HNRNPLL: variants seen among roughly 807,000 people sequenced by gnomAD.
HNRNPLL encodes the protein heterogeneous nuclear ribonucleoprotein L-like.
In HNRNPLL, 25 loss-of-function variants were observed where a neutral mutation model predicts 67.1. That is an observed-to-expected ratio of 0.37 (90% CI 0.27 to 0.52). The LOEUF (loss-of-function observed/expected upper bound fraction) is 0.52. HNRNPLL is among the 20% of genes least tolerant of loss of function. The pLI is 0.90. For missense variants in HNRNPLL, 542 were observed against 673.9 expected, an observed-to-expected ratio of 0.80 and a Z score of 2.17; for synonymous variants, 267 against 241.7, an observed-to-expected ratio of 1.10 and a Z score of -0.97.
chr2:38,591,426 T>C, intron 2 of HNRNPLL, 104 bp downstream of exon 2: 3 of 730,746 alleles, frequency 4.1e-6, no homozygotes, highest in Non-Finnish European at 4.9e-6. Context: ...TTTGTTTATA[T>C]ATACAAACAA....
In HNRNPLL at chr2:38,567,225, C is replaced by T. The variant is rs143647238; in HGVS notation, c.1573+974G>A. On this transcript the variant is annotated intron_variant, in intron 12 of 12. Coordinates refer to ENST00000449105, the MANE Select transcript of HNRNPLL (RefSeq NM_138394.4). Reference sequence around the variant, plus strand: ...TCAAGCAATTCTCCTGCCTCAGCCTCCCAAGTAGCTGAAACTACAAGTGTG... The same window carrying T: ...TCAAGCAATTCTCCTGCCTCAGCCTTCCAAGTAGCTGAAACTACAAGTGTG... 1.0e-2 allele frequency among the ~76,000 whole-genome samples: 1,520 copies of T among 152,268 alleles called. 25 individuals carry two copies. The highest frequency in any genetic ancestry group is 0.035 in the African/African-American group (1,444 of 41,550).
At chr2:38,601,032 T>C (rs983242678) in intron 1 of HNRNPLL, among the ~76,000 whole-genome samples, 6 of 152,224 alleles carry the variant, frequency 3.9e-5, no homozygotes, top group Non-Finnish European at 8.8e-5. Context: ...ACTGATCGAA[T>C]ACATCGAAAT....
chr2:38,576,415 TAATC>T lies in HNRNPLL; in HGVS notation c.874+1042_874+1045del, dbSNP rs553293121. 6.3e-4 allele frequency among the ~76,000 whole-genome samples: 95 copies of T among 151,806 alleles called. 1 individual carries two copies. The South Asian group carries it at 0.02, about 31-fold the overall frequency. On this transcript the variant is annotated intron_variant, in intron 7 of 12. Transcript: ENST00000449105. Reference sequence around the variant, plus strand: ...CTGTTACAGGAATAACTAAGAAAAATAATCAAGGTACACATTCACTAAACCAGCT... The same window carrying T: ...CTGTTACAGGAATAACTAAGAAAAATAAGGTACACATTCACTAAACCAGCT...
intron 3 of HNRNPLL, among the ~76,000 whole-genome samples, chr2:38,585,016 C>T (rs992094880): frequency 1.3e-5 from 2 of 152,060 alleles, no homozygotes; most frequent in Non-Finnish European, 2.9e-5. Flanking sequence ...ATCATATGCC[C>T]AGACTACATA....
intron 4 of HNRNPLL, among the ~76,000 whole-genome samples, chr2:38,583,638 C>T (rs1038671724): frequency 6.6e-6 from 1 of 152,128 alleles, no homozygotes; most frequent in Non-Finnish European, 1.5e-5. Flanking sequence ...AAAGGAAGCA[C>T]TAGATTGCTT....
At chr2:38,590,360 A>G (rs1666908998) in intron 2 of HNRNPLL, among the ~76,000 whole-genome samples, 1 of 152,216 alleles carries the variant, frequency 6.6e-6, no homozygotes, top group African/African-American at 2.4e-5. Context: ...GAATTTTTAT[A>G]AAATTGAAGC....
At chr2:38,602,349 TA>T in intron 1 of HNRNPLL, 88 bp downstream of exon 1, 1 of 1,297,498 alleles carries the variant, frequency 7.7e-7, no homozygotes, top group Non-Finnish European at 1.1e-6. Flanking sequence ...CGGAAAAGGC[TA>T]ACTGAAGCAA....
In HNRNPLL at chr2:38,591,464, G is replaced by GC. The variant is rs1313519367; in HGVS notation, c.308+65_308+66insG. The GC allele has an allele frequency of 2.1e-4, 181 of 875,410 alleles. 1 individual carries two copies. The highest frequency in any genetic ancestry group is 3.1e-4 in the Non-Finnish European group (156 of 510,200). 54.2% of individuals were successfully genotyped at this position (875,410 alleles called of 1,614,324 possible). ...TTTACTATGCTAAACATCAAGGCTT[G>GC]TAACAAGCAAGCAAGGATTATTCTA... is the stretch of plus-strand genomic sequence containing the variant. On this transcript the variant is annotated intron_variant, in intron 2 of 12. Transcript: ENST00000449105.
rs768851888 is a variant in HNRNPLL at position 38,602,421 on chromosome 2, G to C, written c.189+17C>G. ...GAGCAGCCAGGCACAGCGGACAGGGGGGCCGCGCTTTGTTACCGGCTGAGA... is the reference window on the plus strand; with the variant it reads ...GAGCAGCCAGGCACAGCGGACAGGGCGGCCGCGCTTTGTTACCGGCTGAGA... On this transcript the variant is annotated intron_variant, in intron 1 of 12. Transcript: ENST00000449105. 1 of 1,544,086 alleles carries C rather than the reference G, an allele frequency of 6.5e-7. No homozygotes were observed. The highest frequency in any genetic ancestry group is 8.7e-7 in the Non-Finnish European group (1 of 1,152,430).
chr2:38,597,797 T>C (rs1054361219), intron 1 of HNRNPLL, among the ~76,000 whole-genome samples: 13 of 151,928 alleles, frequency 8.6e-5, no homozygotes, highest in Admixed American at 2.6e-4. Context: ...TTAGCAATTC[T>C]CTGCCTCAGC....
chr2:38,602,331 C>G lies in HNRNPLL; in HGVS notation c.189+107G>C, dbSNP rs1667475905. 3 of 1,083,310 alleles carry G rather than the reference C, an allele frequency of 2.8e-6. No individual in the cohort carries two copies. In the African/African-American group the frequency reaches 4.9e-5, roughly 18 times the overall value. 67.1% of individuals were successfully genotyped at this position (1,083,310 alleles called of 1,614,324 possible). A position where few individuals can be genotyped will look rare whatever the true frequency, so the allele number is the denominator to read the frequency against. Reference sequence around the variant, plus strand: ...AGAGTGGGCGCTTCCCCAAACGGGTCGGCGCAGCGGAAAAGGCTAACTGAA... The same window carrying G: ...AGAGTGGGCGCTTCCCCAAACGGGTGGGCGCAGCGGAAAAGGCTAACTGAA... On this transcript the variant is annotated intron_variant, in intron 1 of 12. Coordinates refer to ENST00000449105, the MANE Select transcript of HNRNPLL (RefSeq NM_138394.4).
In HNRNPLL at chr2:38,581,995, T is replaced by C. The variant is rs1244611254; in HGVS notation, c.730-10A>G. 1.9e-6 allele frequency: 3 copies of C among 1,610,046 alleles called. No individual in the cohort carries two copies. Among genetic ancestry groups the C allele is most frequent in the Non-Finnish European group, 8.5e-7 (1 of 1,176,572 alleles). On this transcript the variant is annotated splice_polypyrimidine_tract_variant and intron_variant, in intron 5 of 12. Coordinates refer to ENST00000449105, the MANE Select transcript of HNRNPLL (RefSeq NM_138394.4). Reference sequence around the variant, plus strand: ...CATTTAGACGAGTTGGCTGTTAAGATTGAAAATAATGTAAGTTCAAACTGC... The same window carrying C: ...CATTTAGACGAGTTGGCTGTTAAGACTGAAAATAATGTAAGTTCAAACTGC...
intron 1 of HNRNPLL, among the ~76,000 whole-genome samples, chr2:38,593,505 G>C (rs1477344056): frequency 6.6e-6 from 1 of 152,190 alleles, no homozygotes; most frequent in Non-Finnish European, 1.5e-5. Context: ...ATAAAAGGAC[G>C]ACAGAAAACT....
chr2:38,596,972 TC>T (rs1394329956), intron 1 of HNRNPLL, among the ~76,000 whole-genome samples: 1 of 152,208 alleles, frequency 6.6e-6, no homozygotes, highest in Non-Finnish European at 1.5e-5. Flanking sequence ...TACAGACATT[TC>T]AAATTCTCAG....
At chr2:38,567,605 G>A (rs764599770) in intron 12 of HNRNPLL, among the ~76,000 whole-genome samples, 7 of 152,176 alleles carry the variant, frequency 4.6e-5, no homozygotes, top group Non-Finnish European at 8.8e-5. Context: ...GCTATAGCTT[G>A]AAGGTGATTC....
chr2:38,578,740 C>A (rs1196642532), intron 6 of HNRNPLL, among the ~76,000 whole-genome samples: 1 of 152,006 alleles, frequency 6.6e-6, no homozygotes, highest in African/African-American at 2.4e-5. Context: ...TTCCAGATAG[C>A]CCTAAATTGT....
At chr2:38,592,152 G>T (rs1292082812) in intron 1 of HNRNPLL, among the ~76,000 whole-genome samples, 1 of 152,072 alleles carries the variant, frequency 6.6e-6, no homozygotes, top group Non-Finnish European at 1.5e-5. Flanking sequence ...TTAAAAGGGA[G>T]CATTCTATCT....
At chr2:38,601,580 T>C (rs895293551) in intron 1 of HNRNPLL, 1 of 152,240 alleles carries the variant, frequency 6.6e-6, no homozygotes, top group Non-Finnish European at 1.5e-5. Context: ...AACTACTTGC[T>C]GTGGACAAAA....
chr2:38,596,068 A>AT (rs1329907654), intron 1 of HNRNPLL, among the ~76,000 whole-genome samples: 5 of 151,370 alleles, frequency 3.3e-5, no homozygotes, highest in Non-Finnish European at 1.5e-5. Context: ...TTCTGTAGTG[A>AT]TAAAAAAAAA....
Sources: gnomAD v4.1 joint callset for allele counts (sites outside exome capture counted in the v4.1 genomes callset) on GRCh38, gnomAD v4.1.1 for gene constraint, MANE v1.5 for transcripts, NCBI Gene and HGNC (gene_info 2026-07-23, HGNC 2026-07-21) for gene names.